MEI4: variants seen among roughly 807,000 people sequenced by gnomAD.
MEI4 encodes meiosis-specific protein MEI4.
In MEI4, 27 loss-of-function variants were observed where a neutral mutation model predicts 31.4. The ratio of observed to expected loss-of-function variants is 0.86; its 90% CI spans 0.63 to 1.19. MEI4 has a LOEUF of 1.19. MEI4 is among the 50% of genes most tolerant of loss of function. The pLI is 0.00. For missense variants in MEI4, 329 were observed against 398.9 expected, an observed-to-expected ratio of 0.82 and a Z score of 1.49; for synonymous variants, 122 against 145.4, an observed-to-expected ratio of 0.84 and a Z score of 1.16.
chr6:77,853,335 A>G (rs369335107), intron 4 of MEI4, among the ~76,000 whole-genome samples: 3 of 152,188 alleles, frequency 2.0e-5, no homozygotes, highest in East Asian at 1.9e-4. Context: ...ATCTAGACCA[A>G]TCCTTGCATT....
At chr6:77,745,899 A>T (rs1767586398) in intron 2 of MEI4, among the ~76,000 whole-genome samples, 2 of 152,224 alleles carry the variant, frequency 1.3e-5, no homozygotes, top group Admixed American at 6.5e-5. Context: ...GAAGGGAGAA[A>T]TAAAGATGTT....
chr6:77,767,693 T>TCACA (rs10612233), intron 3 of MEI4, among the ~76,000 whole-genome samples: 4,313 of 149,280 alleles, frequency 0.029, 208 homozygotes, highest in African/African-American at 0.096. Flanking sequence ...CAGGAAACTG[T>TCACA]CACACACACA....
chr6:77,857,076 A>G (rs983023227), intron 4 of MEI4, among the ~76,000 whole-genome samples: 6 of 151,624 alleles, frequency 4.0e-5, no homozygotes, highest in Admixed American at 3.3e-4. Flanking sequence ...TTATTTTTCT[A>G]TTTTCTGGAG....
At chr6:77,729,857 T>G (rs1231420806) in intron 2 of MEI4, among the ~76,000 whole-genome samples, 1 of 152,168 alleles carries the variant, frequency 6.6e-6, no homozygotes, top group Non-Finnish European at 1.5e-5. Context: ...GTAAAAGGTA[T>G]CAGTGCATCT....
intron 2 of MEI4, among the ~76,000 whole-genome samples, chr6:77,692,010 T>C (rs1769166577): frequency 1.3e-5 from 2 of 152,076 alleles, no homozygotes; most frequent in South Asian, 2.1e-4. Flanking sequence ...AGGCTTCTGA[T>C]AGTGGCCCAA....
At chr6:77,782,430 A>G (rs1190430857) in intron 3 of MEI4, among the ~76,000 whole-genome samples, 1 of 152,198 alleles carries the variant, frequency 6.6e-6, no homozygotes, top group East Asian at 1.9e-4. Flanking sequence ...CTTAAGATAC[A>G]GCATTCAATA....
intron 4 of MEI4, among the ~76,000 whole-genome samples, chr6:77,893,457 C>T (rs1388990792): frequency 6.6e-6 from 1 of 152,236 alleles, no homozygotes; most frequent in African/African-American, 2.4e-5. Context: ...AGTAGCAACA[C>T]TACTACGGTA....
At chr6:77,786,885 T>C (rs1264576736) in intron 3 of MEI4, among the ~76,000 whole-genome samples, 1 of 152,074 alleles carries the variant, frequency 6.6e-6, no homozygotes, top group Non-Finnish European at 1.5e-5. Context: ...AGTAAAATAA[T>C]TAAATGGATA....
intron 2 of MEI4, among the ~76,000 whole-genome samples, chr6:77,697,628 A>G (rs7383129): frequency 0.81 from 123,021 of 151,974 alleles, 50,047 homozygotes; most frequent in East Asian, 0.95. Flanking sequence ...TGTGGTCTGA[A>G]AGACAGTTTG....
intron 3 of MEI4, among the ~76,000 whole-genome samples, chr6:77,783,746 T>A (rs985859775): frequency 4.6e-5 from 7 of 152,164 alleles, no homozygotes; most frequent in African/African-American, 1.7e-4. Context: ...AATTTAATGT[T>A]GCCAGTAGGA....
intron 4 of MEI4, among the ~76,000 whole-genome samples, chr6:77,854,400 A>G (rs1770699459): frequency 6.7e-6 from 1 of 149,922 alleles, no homozygotes; most frequent in Admixed American, 6.7e-5. Context: ...TAATGTCAAC[A>G]GTAATTATAG....
intron 4 of MEI4, among the ~76,000 whole-genome samples, chr6:77,846,332 C>T (rs1266481297): frequency 2.6e-5 from 4 of 151,916 alleles, no homozygotes; most frequent in Middle Eastern, 3.4e-3. Flanking sequence ...TTTTGTCATT[C>T]GATGTGTTTA....
intron 1 of MEI4, among the ~76,000 whole-genome samples, chr6:77,671,223 A>C (rs1010289191): frequency 5.3e-5 from 8 of 151,766 alleles, no homozygotes; most frequent in Non-Finnish European, 1.0e-4. Context: ...TGCTCAGCTA[A>C]TTTTTGTATT....
chr6:77,871,809 C>A (rs942614692), intron 4 of MEI4, among the ~76,000 whole-genome samples: 3 of 152,114 alleles, frequency 2.0e-5, no homozygotes, highest in Non-Finnish European at 4.4e-5. Flanking sequence ...GGGGGAGTCA[C>A]ATTTCTTCCT....
chr6:77,851,103 G>A (rs1770606723), intron 4 of MEI4, among the ~76,000 whole-genome samples: 1 of 152,166 alleles, frequency 6.6e-6, no homozygotes, highest in Non-Finnish European at 1.5e-5. Flanking sequence ...TCTCACACCA[G>A]TTAGAATGGT....
chr6:77,908,582 G>C lies in MEI4; in HGVS notation c.901-14507G>C, dbSNP rs541772886. Among the ~76,000 whole-genome samples, 17 of 152,206 alleles carry C rather than the reference G, an allele frequency of 1.1e-4. No individual in the cohort carries two copies. In the South Asian group the frequency reaches 3.3e-3, roughly 30 times the overall value. On this transcript the variant is annotated intron_variant, in intron 4 of 4. Transcript: ENST00000684080. ...AGTATAGTTTGAAGTCAGGTAGCAT[G>C]ATGCCTCCAGCTTTGTTCTTTTGGC...
At chr6:77,794,480 A>G (rs1002142736) in intron 3 of MEI4, among the ~76,000 whole-genome samples, 1 of 152,076 alleles carries the variant, frequency 6.6e-6, no homozygotes, top group Non-Finnish European at 1.5e-5. Context: ...GGAGAATGGC[A>G]TGAACTCTGG....
At chr6:77,692,607 T>C (rs1190538436) in intron 2 of MEI4, among the ~76,000 whole-genome samples, 1 of 152,044 alleles carries the variant, frequency 6.6e-6, no homozygotes, top group Non-Finnish European at 1.5e-5. Flanking sequence ...TAGGAATAAA[T>C]TCAGAGTAGA....
At chr6:77,798,145 C>A (rs1390666478) in intron 3 of MEI4, among the ~76,000 whole-genome samples, 1 of 151,252 alleles carries the variant, frequency 6.6e-6, no homozygotes, top group African/African-American at 2.4e-5. Context: ...AATAATGCAA[C>A]CATTAAAATC....
Sources: gnomAD v4.1 joint callset for allele counts (sites outside exome capture counted in the v4.1 genomes callset) on GRCh38, gnomAD v4.1.1 for gene constraint, MANE v1.5 for transcripts, NCBI Gene and HGNC (gene_info 2026-07-23, HGNC 2026-07-21) for gene names.